Variants in RB1 observed in about 807,000 individuals in gnomAD.
RB1 encodes RB transcriptional corepressor 1.
Under a neutral mutation model 135.4 loss-of-function variants are expected in RB1, and 18 were observed. The observed-to-expected ratio is 0.13, with a 90% CI of 0.09 to 0.20. The LOEUF is 0.20. Among genes scored for constraint, RB1 ranks in the 10% least tolerant of loss-of-function variants. RB1 has a pLI of 1.00. For missense variants in RB1, 868 were observed against 1,110.0 expected, an observed-to-expected ratio of 0.78 and a Z score of 3.10; for synonymous variants, 365 against 373.2, an observed-to-expected ratio of 0.98 and a Z score of 0.25.
chr13:48,392,791 T>C (rs923448351), intron 17 of RB1, among the ~76,000 whole-genome samples: 2 of 152,204 alleles, frequency 1.3e-5, no homozygotes, highest in Non-Finnish European at 2.9e-5. Context: ...CGTATGTTTC[T>C]GCTTTTTTGA....
chr13:48,306,721 T>G (rs1952083881), intron 1 of RB1, among the ~76,000 whole-genome samples: 1 of 152,232 alleles, frequency 6.6e-6, no homozygotes, highest in African/African-American at 2.4e-5. Context: ...ACTATTCTTA[T>G]TAGTAGATAA....
rs1952218547 is a variant in RB1 at position 48,319,782 on chromosome 13, C to G, written c.264+12376C>G. ...ATTTTTGGGTCGCATGCTATCTCTT[C>G]TCATTCAGAAGCTGTTCTATTTCCG... On this transcript the variant is annotated intron_variant, in intron 2 of 26. Transcript: ENST00000267163. This position sits in a 1 kb window ranked among gnomAD's most constrained non-coding sequence, Gnocchi z 5.0. 4 of 293,562 alleles carry G rather than the reference C, an allele frequency of 1.4e-5. No homozygotes were observed. The highest frequency in any genetic ancestry group is 2.8e-5 in the Non-Finnish European group (4 of 145,004). 18.2% of individuals were successfully genotyped at this position (293,562 alleles called of 1,614,324 possible).
chr13:48,465,311 G>C lies in RB1; in HGVS notation c.2432G>C (p.Ser811Thr), dbSNP rs1220980701. The change falls in exon 23 of 27, where the codon AGT becomes ACT. Residue 811 changes from serine to threonine, a missense_variant. Ser to Thr is a moderately conservative substitution (Grantham distance 58). Transcript: ENST00000267163. ...AACATCTATATTTCACCCCTGAAGA[G>C]TCCATATAAAATTTCAGAAGGTCTG... Reference protein sequence around the residue: ...GGNIYISPLKSPYKISEGLPT... With the variant: ...GGNIYISPLKTPYKISEGLPT... 1 of 1,611,288 alleles carries C rather than the reference G, an allele frequency of 6.2e-7. No individual in the cohort carries two copies. The highest frequency in any genetic ancestry group is 1.6e-4 in the Middle Eastern group (1 of 6,062).
In RB1 at chr13:48,307,222, A is replaced by C. The variant is rs375170962; in HGVS notation, c.138-58A>C. The C allele has an allele frequency of 1.5e-5, 21 of 1,420,096 alleles. No individual in the cohort carries two copies. In the African/African-American group the frequency reaches 2.3e-4, roughly 15 times the overall value. The allele number at this position is 1,420,096 out of a possible 1,614,324, so 88.0% of individuals were successfully genotyped here. ...GTGCAAACTATTGAAACAAGTATGT[A>C]CTGAATCAATTTGATTTATAAGTAT... is the stretch of plus-strand genomic sequence containing the variant. On this transcript the variant is annotated intron_variant, in intron 1 of 26. Transcript: ENST00000267163.
At chr13:48,314,779 C>CA (rs35589400) in intron 2 of RB1, among the ~76,000 whole-genome samples, 77,747 of 144,766 alleles carry the variant, frequency 0.54, 21,591 homozygotes, top group Middle Eastern at 0.66. Flanking sequence ...CCAGCCTGGG[C>CA]AAAAAAAAAA....
chr13:48,362,748 T>C (rs1433286812), intron 7 of RB1, 67 bp from the exon 8 acceptor site: 2 of 1,512,734 alleles, frequency 1.3e-6, no homozygotes, highest in Non-Finnish European at 1.8e-6. Flanking sequence ...TAAGTTATAG[T>C]TAGAATACTT....
intron 17 of RB1, among the ~76,000 whole-genome samples, chr13:48,435,102 G>T (rs1949170291): frequency 6.6e-6 from 1 of 152,134 alleles, no homozygotes; most frequent in Non-Finnish European, 1.5e-5. Context: ...GAGTTGTATG[G>T]TTATTTTGCA....
chr13:48,330,308 G>A (rs1339153606), intron 2 of RB1, among the ~76,000 whole-genome samples: 1 of 151,946 alleles, frequency 6.6e-6, no homozygotes, highest in South Asian at 2.1e-4. Flanking sequence ...GTAATAGAAG[G>A]AGGGGGATAA....
At chr13:48,455,480 T>A (rs767086525) in intron 18 of RB1, among the ~76,000 whole-genome samples, 1 of 152,348 alleles carries the variant, frequency 6.6e-6, no homozygotes, top group South Asian at 2.1e-4. Context: ...CTTTTCTTAG[T>A]GTACTGGTTA....
chr13:48,304,281 G>T (rs917986992), intron 1 of RB1, among the ~76,000 whole-genome samples: 1 of 152,192 alleles, frequency 6.6e-6, no homozygotes, highest in African/African-American at 2.4e-5. Flanking sequence ...GGGCGGGTGG[G>T]GCTAGGGTCC....
chr13:48,441,076 A>G (rs1336493130), intron 17 of RB1, among the ~76,000 whole-genome samples: 9 of 152,204 alleles, frequency 5.9e-5, no homozygotes, highest in Admixed American at 5.9e-4. Context: ...ACAAAATACC[A>G]TAGATTTGGT....
chr13:48,317,766 C>A, intron 2 of RB1: 1 of 387,496 alleles, frequency 2.6e-6, no homozygotes, highest in South Asian at 2.6e-5. Context: ...CTCCAGCGCT[C>A]TCTGCACCTC....
intron 16 of RB1, 142 bp from the exon 17 acceptor site, chr13:48,381,105 G>C (rs1948531492): frequency 6.9e-6 from 8 of 1,155,426 alleles, no homozygotes; most frequent in Non-Finnish European, 9.4e-6. Context: ...TGAGTCCGTA[G>C]ACTCCAAAAT....
At chr13:48,476,294 C>T (rs1413835032) in intron 24 of RB1, 1 of 204,102 alleles carries the variant, frequency 4.9e-6, no homozygotes, top group Non-Finnish European at 1.0e-5. Context: ...ATTCTTGTGA[C>T]CTTCCTTCTG....
intron 6 of RB1, among the ~76,000 whole-genome samples, chr13:48,358,175 A>G (rs1216258738): frequency 6.6e-6 from 1 of 152,140 alleles, no homozygotes; most frequent in Admixed American, 6.6e-5. Flanking sequence ...TTCTTAGTGC[A>G]AGCACTCATA....
chr13:48,410,057 C>A (rs1948779614), intron 17 of RB1, among the ~76,000 whole-genome samples: 1 of 151,886 alleles, frequency 6.6e-6, no homozygotes, highest in South Asian at 2.1e-4. Flanking sequence ...GGAACTGTGT[C>A]CTTAATTAAT....
intron 4 of RB1, among the ~76,000 whole-genome samples, chr13:48,346,884 C>T (rs1952503486): frequency 6.6e-6 from 1 of 151,610 alleles, no homozygotes; most frequent in South Asian, 2.1e-4. Flanking sequence ...ACAAAGCAAG[C>T]AAAAACTTCT....
In RB1 at chr13:48,476,692, A is replaced by C. The variant is rs949077145; in HGVS notation, c.2521-9A>C. ...AATGATTTAAAGTAAAGAATTCTGT[A>C]ATTTGTAGACTTCTGAGAAGTTCCA... On this transcript the variant is annotated splice_polypyrimidine_tract_variant and intron_variant, in intron 24 of 26. Transcript: ENST00000267163. 1.6e-5 allele frequency: 25 copies of C among 1,610,860 alleles called. No individual in the cohort carries two copies. The highest frequency in any genetic ancestry group is 2.2e-5 in the East Asian group (1 of 44,868).
chr13:48,319,104 C>T lies in RB1; in HGVS notation c.264+11698C>T. The T allele has an allele frequency of 1.6e-6, 1 of 612,230 alleles. No homozygotes were observed. Among genetic ancestry groups the T allele is most frequent in the Non-Finnish European group, 3.0e-6 (1 of 330,954 alleles). 37.9% of individuals were successfully genotyped at this position (612,230 alleles called of 1,614,324 possible). A position where few individuals can be genotyped will look rare whatever the true frequency, so the allele number is the denominator to read the frequency against. On this transcript the variant is annotated intron_variant, in intron 2 of 26. Coordinates refer to ENST00000267163, the MANE Select transcript of RB1 (RefSeq NM_000321.3). This position sits in a 1 kb window ranked among gnomAD's most constrained non-coding sequence, Gnocchi z 5.0. ...CGTTCTACAAACTCGTTCCTGGAAG[C>T]CGGGCTCGCTGGAGGCGGAGCTTTG...
Sources: gnomAD v4.1 joint callset for allele counts (sites outside exome capture counted in the v4.1 genomes callset) on GRCh38, gnomAD v4.1.1 for gene constraint, Gnocchi (gnomAD v3.1) non-coding constraint, MANE v1.5 for transcripts, NCBI Gene and HGNC (gene_info 2026-07-23, HGNC 2026-07-21) for gene names.